Variants in AGO3 observed in about 807,000 individuals in gnomAD.
AGO3 encodes argonaute RISC catalytic component 3.
In AGO3, 16 loss-of-function variants were observed where a neutral mutation model predicts 105.5. The observed-to-expected ratio is 0.15, with a 90% confidence interval of 0.10 to 0.23. The LOEUF is 0.23. Ranked by LOEUF, AGO3 falls within the 10% of genes least tolerant of loss-of-function variation. AGO3 has a pLI of 1.00. For synonymous variants in AGO3, 340 were observed against 367.3 expected (o/e 0.93, Z 0.85); for missense variants, 534 against 1,088.0 (o/e 0.49, Z 7.16).
rs75764085 is a variant in AGO3, at chr1:36,060,066, T to A, written c.*4321T>A. 4.9e-4 allele frequency: 74 copies of A among 152,308 alleles called. 1 individual carries two copies. In the East Asian group the frequency reaches 0.01, roughly 21 times the overall value. 9.4% of individuals were successfully genotyped at this position (152,308 alleles called of 1,614,324 possible). ...CCTGTTTATAACCTATTAATATATT[T>A]CTATTCCTAGAAGAGAGTCTAGCAG... On this transcript the variant is annotated 3_prime_UTR_variant, in exon 19 of 19. Coordinates refer to ENST00000373191, the MANE Select transcript of AGO3 (RefSeq NM_024852.4).
chr1:36,072,051 G>A lies in AGO3; in HGVS notation c.*16306G>A, dbSNP rs1643172661. 1.3e-5 allele frequency: 2 copies of A among 152,272 alleles called. No individual in the cohort carries two copies. Among genetic ancestry groups the A allele is most frequent in the South Asian group, 4.1e-4 (2 of 4,826 alleles). The allele number at this position is 152,272 out of a possible 1,614,324, so 9.4% of individuals were successfully genotyped here. The stretch of plus-strand genomic sequence containing the variant: ...TTTTGAACAAAAGTCCTTGTTTTCA[G>A]TATTTAAAATTTGGTAATATATTTT... On this transcript the variant is annotated 3_prime_UTR_variant, in exon 19 of 19. Transcript: ENST00000373191.
intron 16 of AGO3, among the ~76,000 whole-genome samples, chr1:36,042,759 C>G (rs1179855619): frequency 1.3e-5 from 2 of 152,142 alleles, no homozygotes; most frequent in Non-Finnish European, 2.9e-5. Flanking sequence ...ATTATATCCA[C>G]TCAGAGAAAA....
At chr1:35,971,391 T>A (rs999645957) in intron 3 of AGO3, among the ~76,000 whole-genome samples, 6 of 151,438 alleles carry the variant, frequency 4.0e-5, no homozygotes, top group African/African-American at 1.5e-4. Context: ...ACTCCTGACC[T>A]CAAGTGATCA....
intron 5 of AGO3, among the ~76,000 whole-genome samples, chr1:35,981,039 ACTC>A (rs1240801795): frequency 6.6e-6 from 1 of 151,424 alleles, no homozygotes; most frequent in Non-Finnish European, 1.5e-5. Context: ...TTTCACTACA[ACTC>A]CTGTTGACTG....
intron 1 of AGO3, among the ~76,000 whole-genome samples, chr1:35,937,796 T>C (rs1646178174): frequency 6.6e-6 from 1 of 152,130 alleles, no homozygotes; most frequent in Non-Finnish European, 1.5e-5. Flanking sequence ...TAATAATAAG[T>C]GCGGTATGTT....
At chr1:35,974,314 T>C (rs1350541127) in intron 5 of AGO3, among the ~76,000 whole-genome samples, 1 of 152,166 alleles carries the variant, frequency 6.6e-6, no homozygotes, top group African/African-American at 2.4e-5. Context: ...CACATTTGAT[T>C]ATTGTGCCTT....
chr1:35,931,435 C>T lies in AGO3; in HGVS notation c.9C>T (p.Ile3=), dbSNP rs1398634737. The change falls in exon 1 of 19, where the codon ATC becomes ATT. Residue 3 remains isoleucine (I), a synonymous_variant. Transcript: ENST00000373191. ME[I]GSAGPAGAQP... is the part of the protein sequence containing the mutation. ...TCCCCCCAGCTCCATGAATGGAAATCGGCTCCGCAGGTGAGTCAGAGTAGC... is the reference window on the plus strand; with the variant it reads ...TCCCCCCAGCTCCATGAATGGAAATTGGCTCCGCAGGTGAGTCAGAGTAGC... 4.0e-6 allele frequency: 6 copies of T among 1,516,534 alleles called. No individual in the cohort carries two copies. Among genetic ancestry groups the T allele is most frequent in the Non-Finnish European group, 5.3e-6 (6 of 1,131,568 alleles). 93.9% of individuals were successfully genotyped at this position (1,516,534 alleles called of 1,614,324 possible). A position where few individuals can be genotyped will look rare whatever the true frequency, so the allele number is the denominator to read the frequency against.
chr1:36,037,901 C>T (rs1342441735), intron 14 of AGO3, among the ~76,000 whole-genome samples: 1 of 152,164 alleles, frequency 6.6e-6, no homozygotes, highest in Non-Finnish European at 1.5e-5. Context: ...TTCCTTTGGA[C>T]TTCTGGTAGT....
Position 36,066,706 on chromosome 1 carries a change from AG to A in AGO3, c.*10963del, listed in dbSNP as rs1239392361. ...TTAATAGTCTTTTTAGAACCAAAGA[AG>A]GAAAGACTGCAAAAATGTTGCATAC... On this transcript the variant is annotated 3_prime_UTR_variant, in exon 19 of 19. Transcript: ENST00000373191. 6.6e-6 allele frequency: 1 copy of A among 152,244 alleles called. No homozygotes were observed. Among genetic ancestry groups the A allele is most frequent in the Non-Finnish European group, 1.5e-5 (1 of 68,040 alleles). 9.4% of individuals were successfully genotyped at this position (152,244 alleles called of 1,614,324 possible).
chr1:35,978,197 T>C (rs1194970803), intron 5 of AGO3, among the ~76,000 whole-genome samples: 1 of 152,136 alleles, frequency 6.6e-6, no homozygotes, highest in Non-Finnish European at 1.5e-5. Flanking sequence ...CCAAATTTCT[T>C]GACACAATTT....
intron 17 of AGO3, among the ~76,000 whole-genome samples, chr1:36,051,078 G>A (rs1285385500): frequency 6.6e-6 from 1 of 152,076 alleles, no homozygotes; most frequent in Non-Finnish European, 1.5e-5. Flanking sequence ...GCCTCCCAAA[G>A]TGCTGGGATT....
At chr1:36,010,760 G>A (rs896717635) in intron 9 of AGO3, among the ~76,000 whole-genome samples, 4 of 151,946 alleles carry the variant, frequency 2.6e-5, no homozygotes, top group African/African-American at 9.7e-5. Flanking sequence ...TACAAAATTA[G>A]CCAGGCATAG....
At position 36,014,064 on chromosome 1, in the gene AGO3, A is replaced by G; in HGVS notation, c.1406+16A>G. ...AAATATTGAAGTAAGACATGTCATT[A>G]CCTTGGCTTTGGGACTTTTTTGTGT... On this transcript the variant is annotated intron_variant, in intron 11 of 18. Transcript: ENST00000373191. 1 of 1,613,800 alleles carries G rather than the reference A, an allele frequency of 6.2e-7. No homozygotes were observed. Among genetic ancestry groups the G allele is most frequent in the Non-Finnish European group, 8.5e-7 (1 of 1,179,872 alleles).
At chr1:35,993,359 G>A (rs1045182766) in intron 5 of AGO3, among the ~76,000 whole-genome samples, 3 of 151,912 alleles carry the variant, frequency 2.0e-5, no homozygotes, top group Non-Finnish European at 4.4e-5. Context: ...AAAATAAGTA[G>A]GATTAATAAA....
In AGO3 at chr1:35,958,460, A is replaced by G. The variant is rs111323969; in HGVS notation, c.192-8495A>G. ...CAGATCACTTGATCTCAGGAGTTCA[A>G]GACCAGCCTGGGCAACATGATGAAA... On this transcript the variant is annotated intron_variant, in intron 2 of 18. Transcript: ENST00000373191. 9.5e-3 allele frequency among the ~76,000 whole-genome samples: 1,442 copies of G among 152,262 alleles called. 22 individuals carry two copies. Among genetic ancestry groups the G allele is most frequent in the African/African-American group, 0.032 (1,345 of 41,536 alleles).
At position 35,972,180 on chromosome 1, in the gene AGO3, A is replaced by G. The variant is rs1169687644; in HGVS notation, c.469A>G (p.Thr157Ala). ...EPLELDKPIS[T>A]NPVHAVDVVL... ...ACTGGAATTAGACAAGCCAATCAGC[A>G]CTAACCCTGTCCATGCCGTTGATGT... Residue 157 changes from threonine to alanine, a missense_variant, in exon 4 of 19, where the codon ACT becomes GCT. Thr to Ala is a moderately conservative substitution (Grantham distance 58). Coordinates refer to ENST00000373191, the MANE Select transcript of AGO3 (RefSeq NM_024852.4). 6.2e-7 allele frequency: 1 copy of G among 1,614,112 alleles called. No homozygotes were observed. The highest frequency in any genetic ancestry group is 1.7e-5 in the Admixed American group (1 of 60,000).
chr1:36,009,612 G>T lies in AGO3; in HGVS notation c.1149+18G>T. 1 of 1,600,990 alleles carries T rather than the reference G, an allele frequency of 6.2e-7. No homozygotes were observed. The highest frequency in any genetic ancestry group is 1.1e-5 in the South Asian group (1 of 89,774). Reference sequence around the variant, plus strand: ...GCAGATTGGTTAGTACTTAACCTTAGAAATGAGAATTTAAAACATATTAGG... The same window carrying T: ...GCAGATTGGTTAGTACTTAACCTTATAAATGAGAATTTAAAACATATTAGG... On this transcript the variant is annotated intron_variant, in intron 9 of 18. Coordinates refer to ENST00000373191, the MANE Select transcript of AGO3 (RefSeq NM_024852.4).
intron 1 of AGO3, among the ~76,000 whole-genome samples, chr1:35,944,123 C>T (rs1449404195): frequency 9.8e-5 from 15 of 152,302 alleles, no homozygotes; most frequent in African/African-American, 3.4e-4. Context: ...ATTGCTAGAT[C>T]ACATGGCAAT....
intron 1 of AGO3, among the ~76,000 whole-genome samples, chr1:35,937,976 T>C (rs941852724): frequency 2.0e-5 from 3 of 151,358 alleles, no homozygotes; most frequent in Non-Finnish European, 4.4e-5. Flanking sequence ...AACAAAAATG[T>C]ATTCTTTTTT....
Sources: allele counts gnomAD v4.1 joint callset (sites outside exome capture counted in the v4.1 genomes callset), GRCh38; gene constraint gnomAD v4.1.1; transcripts MANE v1.5; gene names NCBI Gene and HGNC (gene_info 2026-07-23, HGNC 2026-07-21).